RFC1: variants seen among roughly 807,000 people sequenced by gnomAD.
The protein encoded by RFC1 is A1 140 kDa subunit.
Under a neutral mutation model 137.4 loss-of-function variants are expected in RFC1, and 37 were observed. That is an observed-to-expected ratio of 0.27 (90% CI 0.21 to 0.35). RFC1 has a LOEUF of 0.35. RFC1 is among the 10% of genes least tolerant of loss of function. The pLI, the probability that RFC1 is intolerant of heterozygous loss-of-function variation, is 1.00. For missense variants in RFC1, 1,205 were observed against 1,358.5 expected, an observed-to-expected ratio of 0.89 and a Z score of 1.78; for synonymous variants, 429 against 455.7, an observed-to-expected ratio of 0.94 and a Z score of 0.75.
At position 39,302,286 on chromosome 4, in the gene RFC1, T is replaced by A. The variant is rs760329608; in HGVS notation, c.2527A>T (p.Ile843Phe). 3.7e-6 allele frequency: 6 copies of A among 1,603,456 alleles called. No homozygotes were observed. The highest frequency in any genetic ancestry group is 5.1e-6 in the Non-Finnish European group (6 of 1,170,390). Residue 843 changes from isoleucine to phenylalanine, a missense_variant, in exon 19 of 25, where the codon ATC (isoleucine) becomes TTC (phenylalanine). By Grantham distance (21) the Ile-to-Phe change is conservative. This residue lies in a region of RFC1 where 962 missense variants were observed against 1,035.3 expected (regional missense o/e 0.93). Transcript: ENST00000349703. The stretch of plus-strand genomic sequence containing the variant: ...ATGGACATTTATTTTACCATTTTGA[T>A]ATCCTTTTTGGCTCTGTGAGAATCA... ...KADSHRAKKD[I>F]KMGPFDVARK...
chr4:39,303,715 A>G (rs1738491591), intron 15 of RFC1, among the ~76,000 whole-genome samples: 1 of 152,186 alleles, frequency 6.6e-6, no homozygotes, highest in South Asian at 2.1e-4. Flanking sequence ...CAGCCTCCCA[A>G]AGTGCTGGGA....
intron 4 of RFC1, among the ~76,000 whole-genome samples, chr4:39,335,818 C>T (rs1740320650): frequency 6.6e-6 from 1 of 152,198 alleles, no homozygotes; most frequent in Non-Finnish European, 1.5e-5. Context: ...GAGGAGAGAA[C>T]AGTGCTGGTC....
Position 39,295,693 on chromosome 4 carries a change from G to C in RFC1, c.2875C>G (p.Pro959Ala). Residue 959 changes from proline (P) to alanine (A), a missense_variant, in exon 22 of 25, where the codon CCA becomes GCA. Transcript: ENST00000349703. ...GACGAGTGCTTCCCCAGCCAGCTTGGGAAGGTGGGAAACTGGGTCATGTAC... is the reference window on the plus strand; with the variant it reads ...GACGAGTGCTTCCCCAGCCAGCTTGCGAAGGTGGGAAACTGGGTCATGTAC... ...RGYMTQFPTF[P>A]SWLGKHSSTG... is the part of the protein sequence containing the mutation. The C allele has an allele frequency of 6.2e-7, 1 of 1,613,602 alleles. No individual in the cohort carries two copies. The highest frequency in any genetic ancestry group is 8.5e-7 in the Non-Finnish European group (1 of 1,179,742).
intron 4 of RFC1, among the ~76,000 whole-genome samples, chr4:39,334,540 T>G (rs1357447048): frequency 6.6e-6 from 1 of 152,206 alleles, no homozygotes; most frequent in Non-Finnish European, 1.5e-5. Flanking sequence ...AGATGAAACA[T>G]TCCAAATAAA....
In RFC1 at chr4:39,342,487, A is replaced by G. The variant is rs1349961032; in HGVS notation, c.209-20T>C. The stretch of plus-strand genomic sequence containing the variant: ...CTGAATCTGTATGTGAGAGAAAAAT[A>G]AAACAAAACTTTGAAAAGAACTATT... On this transcript the variant is annotated intron_variant, in intron 3 of 24. Coordinates refer to ENST00000349703, the MANE Select transcript of RFC1 (RefSeq NM_002913.5). 2 of 1,607,428 alleles carry G rather than the reference A, an allele frequency of 1.2e-6. No homozygotes were observed. The highest frequency in any genetic ancestry group is 1.1e-5 in the South Asian group (1 of 90,578).
At chr4:39,345,335 A>T in intron 3 of RFC1, 66 bp downstream of exon 3, 2 of 1,359,758 alleles carry the variant, frequency 1.5e-6, no homozygotes, top group Non-Finnish European at 2.1e-6. Flanking sequence ...AACATAGTTT[A>T]AAGCACTGTT....
At chr4:39,323,848 A>G (rs185786927) in intron 6 of RFC1, among the ~76,000 whole-genome samples, 148 of 152,334 alleles carry the variant, frequency 9.7e-4, no homozygotes, top group African/African-American at 3.3e-3. Flanking sequence ...AAAATTATAC[A>G]GTATTTTTTT....
chr4:39,296,250 C>CTTTTTTTTTTTT (rs10717106), intron 21 of RFC1, among the ~76,000 whole-genome samples: 2 of 132,746 alleles, frequency 1.5e-5, no homozygotes, highest in Admixed American at 7.5e-5. Flanking sequence ...TTTTTTTTTT[C>CTTTTTTTTTTTT]TTTTTTTTTT....
In RFC1 at chr4:39,323,366, A is replaced by C; in HGVS notation, c.694T>G (p.Leu232Val). 3.1e-6 allele frequency: 5 copies of C among 1,614,086 alleles called. No individual in the cohort carries two copies. The highest frequency in any genetic ancestry group is 4.2e-6 in the Non-Finnish European group (5 of 1,179,976). ...DEEFARTLAM[L>V]DEEPKTKKAR... ...TTTTTGGTCTTGGGTTCTTCATCCA[A>C]CATGGCTAATGTTCTGGCAAACTCT... Residue 232 changes from leucine (L) to valine (V), a missense_variant, in exon 7 of 25, where the codon TTG (leucine) becomes GTG (valine). Transcript: ENST00000349703.
intron 13 of RFC1, 84 bp from the exon 14 acceptor site, chr4:39,306,785 C>CTA (rs1738690754): frequency 1.3e-6 from 1 of 762,498 alleles, no homozygotes; most frequent in Non-Finnish European, 2.3e-6. Flanking sequence ...TATGCCTAAA[C>CTA]TTCACATAGA....
chr4:39,357,608 G>A (rs1435947372), intron 1 of RFC1, among the ~76,000 whole-genome samples: 2 of 151,628 alleles, frequency 1.3e-5, no homozygotes, highest in Admixed American at 6.6e-5. Context: ...ATTCATCCAG[G>A]AGCTAACTTT....
At chr4:39,342,518 A>G (rs775517241) in intron 3 of RFC1, 51 bp from the exon 4 acceptor site, 3 of 1,572,804 alleles carry the variant, frequency 1.9e-6, no homozygotes, top group Non-Finnish European at 2.6e-6. Flanking sequence ...CTATTATAAT[A>G]TAGTGCATGT....
chr4:39,349,984 A>G (rs1055088579), intron 2 of RFC1, among the ~76,000 whole-genome samples: 1 of 152,250 alleles, frequency 6.6e-6, no homozygotes, highest in African/African-American at 2.4e-5. Flanking sequence ...AACCTGGGCA[A>G]TGAGAGCAAA....
At chr4:39,303,286 A>T (rs1305932299) in intron 15 of RFC1, 135 bp from the exon 16 acceptor site, 8 of 536,518 alleles carry the variant, frequency 1.5e-5, no homozygotes, top group African/African-American at 5.9e-5. Flanking sequence ...TGGACTACAG[A>T]GTGTTGTTAA....
chr4:39,334,602 T>C (rs1306707607), intron 4 of RFC1, among the ~76,000 whole-genome samples: 25 of 152,190 alleles, frequency 1.6e-4, no homozygotes, highest in Non-Finnish European at 7.4e-5. Context: ...TAAGCTTAAA[T>C]TGGATTCCGC....
chr4:39,312,532 C>T (rs1739007116), intron 11 of RFC1, among the ~76,000 whole-genome samples: 1 of 152,072 alleles, frequency 6.6e-6, no homozygotes, highest in South Asian at 2.1e-4. Context: ...CTTAAATACA[C>T]TAAAAAAAAG....
At chr4:39,311,588 G>T in intron 11 of RFC1, 39 bp from the exon 12 acceptor site, 1 of 1,508,732 alleles carries the variant, frequency 6.6e-7, no homozygotes. Flanking sequence ...ACTGCATCCT[G>T]CATCCTACCA....
intron 12 of RFC1, among the ~76,000 whole-genome samples, chr4:39,310,099 C>T (rs1490854630): frequency 6.6e-6 from 1 of 152,134 alleles, no homozygotes; most frequent in Non-Finnish European, 1.5e-5. Context: ...GCACTGAGGA[C>T]ACAAGATCAC....
At chr4:39,294,941 T>C (rs960916379) in intron 22 of RFC1, among the ~76,000 whole-genome samples, 1 of 152,206 alleles carries the variant, frequency 6.6e-6, no homozygotes, top group Non-Finnish European at 1.5e-5. Context: ...AGGTGGAGGA[T>C]GCAGTGAGCA....
Sources: allele counts gnomAD v4.1 joint callset (sites outside exome capture counted in the v4.1 genomes callset), GRCh38; gene constraint gnomAD v4.1.1; regional missense constraint gnomAD v4.1.1; transcripts MANE v1.5; gene names NCBI Gene and HGNC (gene_info 2026-07-23, HGNC 2026-07-21).